The following RAB12 variants were observed in gnomAD, a reference collection of about 807,000 sequenced individuals.
RAB12 encodes ras-related protein Rab-12.
In RAB12, 11 loss-of-function variants were observed where a neutral mutation model predicts 28.4. The ratio of observed to expected loss-of-function variants is 0.39; its 90% CI spans 0.24 to 0.64. The LOEUF (loss-of-function observed/expected upper bound fraction) is 0.64. Among genes scored for constraint, RAB12 ranks in the 30% least tolerant of loss-of-function variants. The pLI is 0.50. For synonymous variants in RAB12, 138 were observed against 145.3 expected (o/e 0.95, Z 0.36); for missense variants, 276 against 351.1 (o/e 0.79, Z 1.71).
At chr18:8,617,404 AT>A (rs1158136477) in intron 1 of RAB12, among the ~76,000 whole-genome samples, 2 of 151,216 alleles carry the variant, frequency 1.3e-5, no homozygotes, top group Non-Finnish European at 2.9e-5. Flanking sequence ...GTGAAGTTCA[AT>A]TTTTTTGCAT....
chr18:8,629,785 A>C (rs2096014873), intron 2 of RAB12, among the ~76,000 whole-genome samples: 1 of 152,202 alleles, frequency 6.6e-6, no homozygotes, highest in South Asian at 2.1e-4. Flanking sequence ...CCAGTCCCAC[A>C]GGTGCCTAAG....
chr18:8,637,704 A>G (rs796730832), intron 5 of RAB12, among the ~76,000 whole-genome samples: 34 of 152,324 alleles, frequency 2.2e-4, no homozygotes, highest in African/African-American at 6.7e-4. Context: ...AAACTTAACG[A>G]CTAAAAGCCT....
chr18:8,623,477 C>T (rs1257964486), intron 1 of RAB12, among the ~76,000 whole-genome samples: 1 of 152,218 alleles, frequency 6.6e-6, no homozygotes, highest in Non-Finnish European at 1.5e-5. Flanking sequence ...AATATGAAGA[C>T]AGTGTTTTGT....
chr18:8,637,552 C>A (rs913543217), intron 5 of RAB12, among the ~76,000 whole-genome samples: 1 of 152,032 alleles, frequency 6.6e-6, no homozygotes, highest in Non-Finnish European at 1.5e-5. Flanking sequence ...CTTTAACGAT[C>A]GGAGGACTTT....
intron 1 of RAB12, among the ~76,000 whole-genome samples, chr18:8,611,201 G>GT (rs1180039019): frequency 6.6e-6 from 1 of 152,156 alleles, no homozygotes. Flanking sequence ...AACTATACCT[G>GT]TTTCAAATAT....
intron 1 of RAB12, among the ~76,000 whole-genome samples, chr18:8,620,911 T>G (rs1345408782): frequency 6.6e-6 from 1 of 152,226 alleles, no homozygotes; most frequent in Non-Finnish European, 1.5e-5. Context: ...CAGAGGGTTC[T>G]GGGCAGACAA....
chr18:8,638,328 T>C lies in RAB12; in HGVS notation c.*66T>C. ...GGGGAAAAAACGTTCTATTCTGCAC[T>C]ACAATCATTTTGACAATTTCCTTTC... On this transcript the variant is annotated 3_prime_UTR_variant, in exon 6 of 6. Transcript: ENST00000649141. 9.1e-7 allele frequency: 1 copy of C among 1,102,718 alleles called. No individual in the cohort carries two copies. The allele number at this position is 1,102,718 out of a possible 1,614,324, so 68.3% of individuals were successfully genotyped here. A position where few individuals can be genotyped will look rare whatever the true frequency, so the allele number is the denominator to read the frequency against.
Position 8,609,661 on chromosome 18 carries a change from G to C in RAB12, c.222G>C (p.Gly74=), listed in dbSNP as rs1361433502. 1.2e-6 allele frequency: 1 copy of C among 851,616 alleles called. No individual in the cohort carries two copies. Among genetic ancestry groups the C allele is most frequent in the African/African-American group, 1.9e-5 (1 of 53,866 alleles). The allele number at this position is 851,616 out of a possible 1,614,324, so 52.8% of individuals were successfully genotyped here. A position where few individuals can be genotyped will look rare whatever the true frequency, so the allele number is the denominator to read the frequency against. ...CGGCGGAGGCCGAGGGGGCGCCGGGGCCCGGGGCGCGCAGCCGGGGGGCGG... is the reference window on the plus strand; with the variant it reads ...CGGCGGAGGCCGAGGGGGCGCCGGGCCCCGGGGCGCGCAGCCGGGGGGCGG... The part of the protein sequence containing the change: ...PRAAEAEGAP[G]PGARSRGAGG... Residue 74 remains glycine, a synonymous_variant, in exon 1 of 6, where the codon GGG becomes GGC. Coordinates refer to ENST00000649141, the MANE Select transcript of RAB12 (RefSeq NM_001025300.3).
chr18:8,610,699 C>T (rs1465653619), intron 1 of RAB12, among the ~76,000 whole-genome samples: 2 of 152,256 alleles, frequency 1.3e-5, no homozygotes, highest in African/African-American at 4.8e-5. Context: ...GCTTAGAGGA[C>T]TTGACATTGA....
chr18:8,619,003 C>T (rs1333380420), intron 1 of RAB12, among the ~76,000 whole-genome samples: 2 of 152,176 alleles, frequency 1.3e-5, no homozygotes, highest in Non-Finnish European at 2.9e-5. Context: ...ACAATCCAAT[C>T]CCTTAGTAGA....
intron 2 of RAB12, among the ~76,000 whole-genome samples, chr18:8,627,427 C>T (rs2148709883): frequency 6.6e-6 from 1 of 152,282 alleles, no homozygotes; most frequent in Middle Eastern, 3.4e-3. Flanking sequence ...GCTAAAAGTA[C>T]CAAAAGCTGC....
At chr18:8,624,787 A>T in intron 1 of RAB12, 151 bp from the exon 2 acceptor site, 2 of 612,490 alleles carry the variant, frequency 3.3e-6, no homozygotes, top group Non-Finnish European at 5.8e-6. Context: ...ACTGGTGCAG[A>T]TACTGCTTTT....
chr18:8,620,139 C>CTTTTTTTTT lies in RAB12; in HGVS notation c.515-4786_515-4778dup, dbSNP rs71165795. On this transcript the variant is annotated intron_variant, in intron 1 of 5. Transcript: ENST00000649141. ...AAAGCCTTCTTTTTTTTTTCTTCTTCTTTTTTTTTTTTTTTTTTTTTGCTT... is the reference window on the plus strand; with the variant it reads ...AAAGCCTTCTTTTTTTTTTCTTCTTCTTTTTTTTTTTTTTTTTTTTTTTTTTTTTTGCTT... Among the ~76,000 whole-genome samples the CTTTTTTTTT allele has an allele frequency of 9.9e-3, 533 of 53,888 alleles. 16 individuals are homozygous for CTTTTTTTTT. Among genetic ancestry groups the CTTTTTTTTT allele is most frequent in the Non-Finnish European group, 0.012 (401 of 32,332 alleles). The allele number at this position is 53,888 out of a possible 152,430, so 35.4% of individuals were successfully genotyped here.
chr18:8,622,368 G>A (rs189623551), intron 1 of RAB12, among the ~76,000 whole-genome samples: 5 of 152,294 alleles, frequency 3.3e-5, no homozygotes, highest in East Asian at 1.9e-4. Context: ...AGCGTCGGCC[G>A]GTTTGAGAAA....
At chr18:8,618,638 C>T (rs2096008021) in intron 1 of RAB12, among the ~76,000 whole-genome samples, 1 of 151,954 alleles carries the variant, frequency 6.6e-6, no homozygotes, top group Non-Finnish European at 1.5e-5. Flanking sequence ...GCCTCCCGAG[C>T]AGCTGGGACC....
chr18:8,635,847 T>C (rs2096018586), intron 4 of RAB12: 1 of 481,652 alleles, frequency 2.1e-6, no homozygotes, highest in East Asian at 3.5e-5. Context: ...AACATTATTA[T>C]CTAACCTGAC....
At chr18:8,637,230 C>G (rs2096019453) in intron 5 of RAB12, among the ~76,000 whole-genome samples, 2 of 149,884 alleles carry the variant, frequency 1.3e-5, no homozygotes, top group South Asian at 2.1e-4. Context: ...GAGCTATGAT[C>G]GTATCTACAC....
intron 1 of RAB12, among the ~76,000 whole-genome samples, chr18:8,618,021 T>C (rs2096007612): frequency 6.6e-6 from 1 of 152,236 alleles, no homozygotes; most frequent in South Asian, 2.1e-4. Flanking sequence ...TTCTGTGGAA[T>C]TCTCATACGT....
chr18:8,635,467 A>G, intron 3 of RAB12, 66 bp from the exon 4 acceptor site: 1 of 1,147,522 alleles, frequency 8.7e-7, no homozygotes, highest in Non-Finnish European at 1.3e-6. Flanking sequence ...GTATCGGTTT[A>G]TATTTCTGCT....
Sources: allele counts gnomAD v4.1 joint callset (sites outside exome capture counted in the v4.1 genomes callset), GRCh38; gene constraint gnomAD v4.1.1; transcripts MANE v1.5; gene names NCBI Gene and HGNC (gene_info 2026-07-23, HGNC 2026-07-21).